The following USP34 variants were observed in gnomAD, a reference collection of about 807,000 sequenced individuals.
USP34 encodes ubiquitin carboxyl-terminal hydrolase 34.
Under a neutral mutation model 460.3 loss-of-function variants are expected in USP34, and 70 were observed. The ratio of observed to expected loss-of-function variants is 0.15; its 90% CI spans 0.13 to 0.19. The LOEUF (loss-of-function observed/expected upper bound fraction) is 0.19. Ranked by LOEUF, USP34 falls within the 10% of genes least tolerant of loss-of-function variation. The pLI, the probability that USP34 is intolerant of heterozygous loss-of-function variation, is 1.00. For missense variants in USP34, 3,985 were observed against 4,236.2 expected (o/e 0.94, Z 1.65); for synonymous variants, 1,647 against 1,405.3 (o/e 1.17, Z -3.85).
chr2:61,266,011 T>A lies in USP34; in HGVS notation c.5590A>T (p.Asn1864Tyr). Reference sequence around the variant, plus strand: ...TGCATGTGTTGTGCCATAACCCAGTTGTGTATTAGCCTGTAGTTCTCAACA... The same window carrying A: ...TGCATGTGTTGTGCCATAACCCAGTAGTGTATTAGCCTGTAGTTCTCAACA... Reference protein sequence around the residue: ...GSVENYRLIHNWVMAQHMQSH... With the variant: ...GSVENYRLIHYWVMAQHMQSH... Residue 1864 changes from asparagine (N) to tyrosine (Y), a missense_variant, in exon 42 of 80, where the codon AAC (asparagine) becomes TAC (tyrosine). Physicochemically the swap from Asn to Tyr is moderately radical, Grantham distance 143. Transcript: ENST00000398571. 1.9e-6 allele frequency: 3 copies of A among 1,610,804 alleles called. No homozygotes were observed. The highest frequency in any genetic ancestry group is 2.5e-6 in the Non-Finnish European group (3 of 1,177,604).
At chr2:61,215,326 ATATT>A (rs1687366218) in intron 67 of USP34, among the ~76,000 whole-genome samples, 1 of 152,212 alleles carries the variant, frequency 6.6e-6, no homozygotes, top group Non-Finnish European at 1.5e-5. Flanking sequence ...CAGATAATAT[ATATT>A]TAAGTTATAA....
intron 23 of USP34, 104 bp downstream of exon 23, chr2:61,317,550 C>T (rs1057227238): frequency 1.0e-6 from 1 of 971,848 alleles, no homozygotes; most frequent in African/African-American, 1.6e-5. Flanking sequence ...CTGCACTGCA[C>T]AGGTAGTAAA....
chr2:61,317,508 C>T (rs1037926293), intron 23 of USP34, 146 bp downstream of exon 23: 7 of 626,564 alleles, frequency 1.1e-5, no homozygotes, highest in Admixed American at 3.0e-5. Flanking sequence ...GCCTGAGCAA[C>T]AGAGATAGAC....
At chr2:61,213,817 A>G (rs1433989391) in intron 68 of USP34, among the ~76,000 whole-genome samples, 1 of 152,238 alleles carries the variant, frequency 6.6e-6, no homozygotes, top group African/African-American at 2.4e-5. Flanking sequence ...ACAAATTAAA[A>G]AACAGGTAAG....
rs371427641 is a variant in USP34, at chr2:61,189,024, G to C, written c.9919C>G (p.Gln3307Glu). Residue 3307 changes from glutamine (Q) to glutamate (E), a missense_variant, in exon 79 of 80, where the codon CAG (glutamine) becomes GAG (glutamate). Coordinates refer to ENST00000398571, the MANE Select transcript of USP34 (RefSeq NM_014709.4). ...ALLLSVHTPK[Q>E]LNPALIPTLQ... ...GTTGGAATTAGAGCTGGGTTTAACTGTTTGGGAGTGTGTACTGACAGGAGC... is the reference window on the plus strand; with the variant it reads ...GTTGGAATTAGAGCTGGGTTTAACTCTTTGGGAGTGTGTACTGACAGGAGC... 20 of 1,614,116 alleles carry C rather than the reference G, an allele frequency of 1.2e-5. No homozygotes were observed. The highest frequency in any genetic ancestry group is 5.3e-5 in the African/African-American group (4 of 74,926).
At chr2:61,249,110 T>A (rs1459277114) in intron 48 of USP34, among the ~76,000 whole-genome samples, 2 of 152,238 alleles carry the variant, frequency 1.3e-5, no homozygotes, top group Non-Finnish European at 2.9e-5. Context: ...ATAGAACAAT[T>A]CTAACAATAC....
intron 25 of USP34, among the ~76,000 whole-genome samples, chr2:61,313,599 GCT>G (rs1381742129): frequency 6.6e-6 from 1 of 152,014 alleles, no homozygotes; most frequent in African/African-American, 2.4e-5. Context: ...CACCACATTT[GCT>G]CTTTTTAAAA....
chr2:61,246,951 T>C lies in USP34; in HGVS notation c.6395-474A>G, dbSNP rs947251774. On this transcript the variant is annotated intron_variant, in intron 49 of 79. Transcript: ENST00000398571. ...AATTAGCATACTTCTTTTATTCTCATGTTAAGAAAAGTGGTTTAAACATGG... is the reference window on the plus strand; with the variant it reads ...AATTAGCATACTTCTTTTATTCTCACGTTAAGAAAAGTGGTTTAAACATGG... 1.1e-4 allele frequency among the ~76,000 whole-genome samples: 16 copies of C among 152,164 alleles called. No individual in the cohort carries two copies. In the East Asian group the frequency reaches 3.1e-3, roughly 29 times the overall value.
chr2:61,317,553 G>A (rs973426353), intron 23 of USP34, 101 bp downstream of exon 23: 4 of 994,288 alleles, frequency 4.0e-6, no homozygotes, highest in Non-Finnish European at 6.1e-6. Flanking sequence ...CACTGCACAG[G>A]TAGTAAATTC....
intron 57 of USP34, among the ~76,000 whole-genome samples, chr2:61,233,156 G>A (rs1388776207): frequency 6.6e-6 from 1 of 151,810 alleles, no homozygotes; most frequent in African/African-American, 2.4e-5. Context: ...CATGTCACCC[G>A]GCCACCTATT....
At chr2:61,344,174 T>C (rs1429336123) in intron 15 of USP34, 145 bp from the exon 16 acceptor site, 2 of 719,286 alleles carry the variant, frequency 2.8e-6, no homozygotes, top group Non-Finnish European at 2.2e-6. Flanking sequence ...GTTGAGAGCT[T>C]TACGAAACTG....
At chr2:61,456,678 C>A (rs536221207) in intron 1 of USP34, among the ~76,000 whole-genome samples, 1 of 151,920 alleles carries the variant, frequency 6.6e-6, no homozygotes, top group East Asian at 2.0e-4. Context: ...AATGGCCAGG[C>A]ATGGTGGTTC....
chr2:61,323,394 G>A (rs6545857), intron 21 of USP34, among the ~76,000 whole-genome samples: 55,466 of 151,534 alleles, frequency 0.37, 10,149 homozygotes, highest in African/African-American at 0.38. Context: ...GGCGCCTATA[G>A]TCCCAGCTTA....
chr2:61,369,642 C>CAAA (rs57947331), intron 10 of USP34, among the ~76,000 whole-genome samples: 170 of 43,352 alleles, frequency 3.9e-3, no homozygotes, highest in East Asian at 6.6e-3. Flanking sequence ...GATTCCGTCT[C>CAAA]AAAAAAAAAA....
At position 61,227,224 on chromosome 2, in the gene USP34, T is replaced by G. The variant is rs1687752243; in HGVS notation, c.7444-6A>C. 6.2e-7 allele frequency: 1 copy of G among 1,604,358 alleles called. No individual in the cohort carries two copies. The highest frequency in any genetic ancestry group is 8.5e-7 in the Non-Finnish European group (1 of 1,175,012). On this transcript the variant is annotated splice_region_variant and splice_polypyrimidine_tract_variant and intron_variant, in intron 61 of 79. Transcript: ENST00000398571. The stretch of plus-strand genomic sequence containing the variant: ...GATAACACTTCAACTTGAGGCTAAG[T>G]TGGAATAAAATTCAATTTTAATACG...
At chr2:61,408,585 G>T (rs962306220) in intron 2 of USP34, among the ~76,000 whole-genome samples, 22 of 151,980 alleles carry the variant, frequency 1.4e-4, no homozygotes, top group African/African-American at 5.1e-4. Context: ...TTGATGTTTA[G>T]GAAAAATCAG....
At chr2:61,286,214 T>G (rs1689684581) in intron 34 of USP34, among the ~76,000 whole-genome samples, 1 of 152,202 alleles carries the variant, frequency 6.6e-6, no homozygotes, top group Non-Finnish European at 1.5e-5. Flanking sequence ...ACCTACAGTA[T>G]ATCAACATTA....
chr2:61,364,956 A>G (rs1692386745), intron 10 of USP34, among the ~76,000 whole-genome samples: 1 of 150,560 alleles, frequency 6.6e-6, no homozygotes, highest in South Asian at 2.1e-4. Context: ...AATATAAATA[A>G]ATAAATAAAT....
intron 16 of USP34, among the ~76,000 whole-genome samples, chr2:61,343,067 T>A (rs1409246907): frequency 1.3e-5 from 2 of 152,212 alleles, no homozygotes; most frequent in African/African-American, 2.4e-5. Context: ...TGTTTCTAAG[T>A]GTGTTTATGG....
Sources: gnomAD v4.1 joint callset for allele counts (sites outside exome capture counted in the v4.1 genomes callset) on GRCh38, gnomAD v4.1.1 for gene constraint, MANE v1.5 for transcripts, NCBI Gene and HGNC (gene_info 2026-07-23, HGNC 2026-07-21) for gene names.